The following PTPRT variants were observed in gnomAD, a reference collection of about 807,000 sequenced individuals.
PTPRT encodes the protein protein tyrosine phosphatase receptor type T.
A neutral mutation model predicts 176.8 loss-of-function variants in PTPRT; 56 were observed. The ratio of observed to expected loss-of-function variants is 0.32; its 90% CI spans 0.26 to 0.40. The LOEUF is 0.40. Among genes scored for constraint, PTPRT ranks in the 10% least tolerant of loss-of-function variants. The pLI is 1.00. For missense variants in PTPRT, 1,540 were observed against 1,908.2 expected (o/e 0.81, Z 3.60); for synonymous variants, 783 against 739.0 (o/e 1.06, Z -0.96).
At chr20:42,306,090 A>T (rs2057541574) in intron 12 of PTPRT, among the ~76,000 whole-genome samples, 1 of 152,174 alleles carries the variant, frequency 6.6e-6, no homozygotes, top group Admixed American at 6.5e-5. Flanking sequence ...AATGAATTTA[A>T]AGTATATTTG....
chr20:43,030,893 C>A (rs6030614), intron 1 of PTPRT, among the ~76,000 whole-genome samples: 45,953 of 152,038 alleles, frequency 0.3, 9,105 homozygotes, highest in African/African-American at 0.56. Flanking sequence ...CTTCCCTAAG[C>A]AACAGACTCT....
chr20:43,074,550 C>T (rs2011228711), intron 1 of PTPRT, among the ~76,000 whole-genome samples: 1 of 152,176 alleles, frequency 6.6e-6, no homozygotes, highest in Non-Finnish European at 1.5e-5. Flanking sequence ...TTTATTCAAA[C>T]ATTTATTTAG....
At position 42,678,133 on chromosome 20, in the gene PTPRT, C is replaced by G. The variant is rs770680003; in HGVS notation, c.886G>C (p.Glu296Gln). 1.2e-6 allele frequency: 2 copies of G among 1,613,894 alleles called. No individual in the cohort carries two copies. Among genetic ancestry groups the G allele is most frequent in the Non-Finnish European group, 1.7e-6 (2 of 1,179,870 alleles). Reference protein sequence around the residue: ...KEPPTPIAPPELLAVGATYLW... With the variant: ...KEPPTPIAPPQLLAVGATYLW... The stretch of plus-strand genomic sequence containing the variant: ...TATGTGGCCCCCACAGCCAGCAGCT[C>G]TGGGGGAGCAATGGGCGTGGGAGGC... Residue 296 changes from glutamate to glutamine, a missense_variant, in exon 7 of 31, where the codon GAG becomes CAG. Glu to Gln is a conservative substitution (Grantham distance 29). Transcript: ENST00000373187.
At chr20:42,916,853 G>A (rs1378753728) in intron 1 of PTPRT, among the ~76,000 whole-genome samples, 1 of 152,078 alleles carries the variant, frequency 6.6e-6, no homozygotes, top group Non-Finnish European at 1.5e-5. Context: ...TGTAGATTCT[G>A]GATATTAGCC....
intron 15 of PTPRT, among the ~76,000 whole-genome samples, chr20:42,225,080 T>C (rs2055975283): frequency 6.6e-6 from 1 of 152,216 alleles, no homozygotes; most frequent in Non-Finnish European, 1.5e-5. Context: ...TTCTTTCTTG[T>C]TGATATCACC....
intron 1 of PTPRT, among the ~76,000 whole-genome samples, chr20:43,042,888 T>C (rs1986677304): frequency 6.6e-6 from 1 of 152,254 alleles, no homozygotes; most frequent in East Asian, 1.9e-4. Context: ...TTGTGCCACA[T>C]CTTTGCTATT....
At chr20:42,371,149 G>A (rs929774130) in intron 9 of PTPRT, among the ~76,000 whole-genome samples, 4 of 152,224 alleles carry the variant, frequency 2.6e-5, no homozygotes, top group Admixed American at 6.5e-5. Flanking sequence ...GACCTCTGGA[G>A]TGGTACAGAA....
intron 1 of PTPRT, among the ~76,000 whole-genome samples, chr20:42,939,940 T>C (rs186711228): frequency 1.7e-4 from 26 of 152,292 alleles, no homozygotes; most frequent in African/African-American, 6.0e-4. Context: ...AGAAAGATGA[T>C]CTTCCCACTC....
At chr20:42,166,516 C>T (rs938440707) in intron 16 of PTPRT, among the ~76,000 whole-genome samples, 1 of 152,226 alleles carries the variant, frequency 6.6e-6, no homozygotes, top group Non-Finnish European at 1.5e-5. Context: ...AAACTCTCAA[C>T]TATTTTTTTT....
At chr20:42,900,107 G>A (rs1235273329) in intron 1 of PTPRT, among the ~76,000 whole-genome samples, 1 of 152,182 alleles carries the variant, frequency 6.6e-6, no homozygotes, top group Non-Finnish European at 1.5e-5. Context: ...ATTCCGCAAA[G>A]CATTGCAACA....
At chr20:42,584,456 G>A (rs921779232) in intron 7 of PTPRT, among the ~76,000 whole-genome samples, 2 of 151,976 alleles carry the variant, frequency 1.3e-5, no homozygotes, top group Admixed American at 6.6e-5. Context: ...ATGTCAGCAC[G>A]GCATGGTCCC....
At chr20:43,015,149 C>A (rs929822989) in intron 1 of PTPRT, among the ~76,000 whole-genome samples, 1 of 152,144 alleles carries the variant, frequency 6.6e-6, no homozygotes, top group Non-Finnish European at 1.5e-5. Context: ...TTAACTTGTA[C>A]GCTAAGGCAC....
At chr20:42,040,896 G>A in the PTPRT span, among the ~76,000 whole-genome samples, 6,098 of 152,130 alleles carry the variant, frequency 0.04, 423 homozygotes, top group African/African-American at 0.14. Context: ...CTGATCTTTG[G>A]GCCTGGAGTC....
At chr20:42,650,619 C>T (rs1035684433) in intron 7 of PTPRT, among the ~76,000 whole-genome samples, 19 of 152,180 alleles carry the variant, frequency 1.2e-4, no homozygotes, top group African/African-American at 4.3e-4. Flanking sequence ...AAAGACTCAG[C>T]ATGCACAAGA....
At chr20:42,962,510 C>A (rs1169334070) in intron 1 of PTPRT, among the ~76,000 whole-genome samples, 2 of 151,650 alleles carry the variant, frequency 1.3e-5, no homozygotes, top group Non-Finnish European at 2.9e-5. Flanking sequence ...CCTAAACATC[C>A]TGAATAACAT....
chr20:42,370,112 C>G (rs2058568174), intron 9 of PTPRT, among the ~76,000 whole-genome samples: 2 of 152,156 alleles, frequency 1.3e-5, no homozygotes, highest in Non-Finnish European at 2.9e-5. Flanking sequence ...GTGCAGACTC[C>G]AAACCACACT....
chr20:42,678,899 T>G (rs12625967), intron 6 of PTPRT, among the ~76,000 whole-genome samples: 27,607 of 152,182 alleles, frequency 0.18, 3,112 homozygotes, highest in East Asian at 0.41. Context: ...CACAGATTGT[T>G]AGTGAAGTTC....
intron 15 of PTPRT, among the ~76,000 whole-genome samples, chr20:42,235,006 A>T (rs2056212000): frequency 6.6e-6 from 1 of 152,156 alleles, no homozygotes; most frequent in African/African-American, 2.4e-5. Flanking sequence ...TAAGCAATAC[A>T]TTTTACCGGA....
At chr20:42,891,078 T>C (rs1276205734) in intron 1 of PTPRT, among the ~76,000 whole-genome samples, 1 of 152,236 alleles carries the variant, frequency 6.6e-6, no homozygotes, top group Non-Finnish European at 1.5e-5. Context: ...TGTTTCTTTA[T>C]AAATTACCCA....
Sources: gnomAD v4.1 joint callset for allele counts (sites outside exome capture counted in the v4.1 genomes callset) on GRCh38, gnomAD v4.1.1 for gene constraint, MANE v1.5 for transcripts, NCBI Gene and HGNC (gene_info 2026-07-23, HGNC 2026-07-21) for gene names.